SMURF2: variants seen among roughly 807,000 people sequenced by gnomAD.
SMURF2 encodes the protein E3 ubiquitin-protein ligase SMURF2.
In SMURF2, 48 loss-of-function variants were observed where a neutral mutation model predicts 109.6. That is an observed-to-expected ratio of 0.44 (90% CI 0.35 to 0.56). SMURF2 has a LOEUF of 0.56. Among genes scored for constraint, SMURF2 ranks in the 20% least tolerant of loss-of-function variants. The probability of loss-of-function intolerance (pLI) is 0.01; values close to 1 mark genes in which losing one functional copy is unlikely to be tolerated. For synonymous variants in SMURF2, 288 were observed against 317.1 expected, an observed-to-expected ratio of 0.91 and a Z score of 0.97; for missense variants, 575 against 909.0, an observed-to-expected ratio of 0.63 and a Z score of 4.72.
At chr17:64,619,422 G>A (rs1298537117) in intron 1 of SMURF2, among the ~76,000 whole-genome samples, 9 of 140,474 alleles carry the variant, frequency 6.4e-5, no homozygotes, top group Admixed American at 4.7e-4. Flanking sequence ...AGCCTCCCGT[G>A]AGCCGAGATC....
At position 64,613,837 on chromosome 17, in the gene SMURF2, G is replaced by A. The variant is rs1048581627; in HGVS notation, c.53-7197C>T. Among the ~76,000 whole-genome samples, 3 of 151,256 alleles carry A rather than the reference G, an allele frequency of 2.0e-5. No individual in the cohort carries two copies. The East Asian group carries it at 5.8e-4, about 29-fold the overall frequency. On this transcript the variant is annotated intron_variant, in intron 1 of 18. Coordinates refer to ENST00000262435, the MANE Select transcript of SMURF2 (RefSeq NM_022739.4). ...CACTTATTTCTATTATTATTACATT[G>A]TAATATATAATAGAATAATTATACA...
At chr17:64,656,824 A>G (rs1282984616) in intron 1 of SMURF2, among the ~76,000 whole-genome samples, 1 of 152,176 alleles carries the variant, frequency 6.6e-6, no homozygotes, top group African/African-American at 2.4e-5. Flanking sequence ...CATGGTTCCC[A>G]TTCCAGTCCA....
chr17:64,599,491 A>G (rs1336338983), intron 2 of SMURF2, among the ~76,000 whole-genome samples: 5 of 152,150 alleles, frequency 3.3e-5, no homozygotes, highest in African/African-American at 4.8e-5. Flanking sequence ...GGCGTCTCCA[A>G]CCTCTGCACC....
chr17:64,621,417 T>C (rs1265883655), intron 1 of SMURF2, among the ~76,000 whole-genome samples: 3 of 151,478 alleles, frequency 2.0e-5, no homozygotes, highest in African/African-American at 7.3e-5. Flanking sequence ...CCGTCTCTAC[T>C]AAAAATACAA....
chr17:64,553,254 C>A (rs1969071672), intron 15 of SMURF2, among the ~76,000 whole-genome samples: 1 of 152,014 alleles, frequency 6.6e-6, no homozygotes, highest in Non-Finnish European at 1.5e-5. Context: ...CACCTGTAAT[C>A]CCAGCACTTT....
intron 9 of SMURF2, among the ~76,000 whole-genome samples, chr17:64,577,753 C>T (rs1346629885): frequency 1.3e-5 from 2 of 151,772 alleles, no homozygotes; most frequent in Non-Finnish European, 2.9e-5. Context: ...TGTGCTCTAC[C>T]ACATACAGCT....
At chr17:64,586,750 C>CAAAAAA (rs782490512) in intron 5 of SMURF2, among the ~76,000 whole-genome samples, 3 of 27,454 alleles carry the variant, frequency 1.1e-4, no homozygotes, top group Non-Finnish European at 2.3e-4. Flanking sequence ...GACTCCGTCT[C>CAAAAAA]AAAAAAAAAA....
chr17:64,578,528 G>A lies in SMURF2; in HGVS notation c.821C>T (p.Thr274Ile). ...TGGATCATGCCATGTGCTCACACCA[G>A]TCTGTGTATGTAAGAAATACACCTG... ...QGQVYFLHTQTGVSTWHDPRV... is the reference protein window; with the variant it reads ...QGQVYFLHTQIGVSTWHDPRV... Residue 274 changes from threonine to isoleucine, a missense_variant, in exon 9 of 19, where the codon ACT (threonine) becomes ATT (isoleucine). Thr to Ile is a moderately conservative substitution (Grantham distance 89). This residue lies in a region of SMURF2 where 361 missense variants were observed against 612.1 expected (regional missense o/e 0.59). Transcript: ENST00000262435. 1 of 1,613,864 alleles carries A rather than the reference G, an allele frequency of 6.2e-7. No individual in the cohort carries two copies. Among genetic ancestry groups the A allele is most frequent in the Non-Finnish European group, 8.5e-7 (1 of 1,179,782 alleles).
At chr17:64,632,815 A>G (rs951169022) in intron 1 of SMURF2, among the ~76,000 whole-genome samples, 4 of 152,238 alleles carry the variant, frequency 2.6e-5, no homozygotes, top group African/African-American at 9.6e-5. Flanking sequence ...GAGCCCTTGG[A>G]CAAATGACTT....
intron 10 of SMURF2, among the ~76,000 whole-genome samples, chr17:64,570,661 A>G (rs1211152896): frequency 6.6e-6 from 1 of 152,204 alleles, no homozygotes; most frequent in Non-Finnish European, 1.5e-5. Flanking sequence ...TCCAGACTTC[A>G]CCACTGGCAA....
chr17:64,618,700 G>A (rs990383839), intron 1 of SMURF2, among the ~76,000 whole-genome samples: 26 of 152,156 alleles, frequency 1.7e-4, no homozygotes, highest in Non-Finnish European at 3.7e-4. Flanking sequence ...TAAGGATGCC[G>A]AGAGAAGGAA....
intron 10 of SMURF2, among the ~76,000 whole-genome samples, chr17:64,568,004 C>T (rs1190686891): frequency 2.6e-5 from 4 of 151,670 alleles, no homozygotes; most frequent in Non-Finnish European, 4.4e-5. Flanking sequence ...CAGGCGTGCA[C>T]CACCACACCC....
rs1354823126 is a variant in SMURF2 at position 64,542,717 on chromosome 17, A to T, written c.*3131T>A. ...AATCCAATCAGTCCAATGCACTGGAAATTCAAAGCCCAGATTTAGTGTTGT... is the reference window on the plus strand; with the variant it reads ...AATCCAATCAGTCCAATGCACTGGATATTCAAAGCCCAGATTTAGTGTTGT... On this transcript the variant is annotated 3_prime_UTR_variant, in exon 19 of 19. Transcript: ENST00000262435. The T allele has an allele frequency of 6.6e-6, 1 of 152,190 alleles. No individual in the cohort carries two copies. The highest frequency in any genetic ancestry group is 2.4e-5 in the African/African-American group (1 of 41,446). The allele number at this position is 152,190 out of a possible 1,614,324, so 9.4% of individuals were successfully genotyped here. A position where few individuals can be genotyped will look rare whatever the true frequency, so the allele number is the denominator to read the frequency against.
intron 2 of SMURF2, among the ~76,000 whole-genome samples, chr17:64,599,458 G>A (rs1969863052): frequency 6.6e-6 from 1 of 152,204 alleles, no homozygotes; most frequent in Non-Finnish European, 1.5e-5. Flanking sequence ...AGGGAGGAGG[G>A]AACTCATCTG....
chr17:64,583,609 C>T, intron 6 of SMURF2, 65 bp from the exon 7 acceptor site: 2 of 1,176,148 alleles, frequency 1.7e-6, no homozygotes, highest in East Asian at 4.7e-5. Flanking sequence ...AACAAGCAAG[C>T]CAGTAAGACA....
chr17:64,631,336 GAGAGACAGAGAGAT>G, intron 1 of SMURF2, among the ~76,000 whole-genome samples: 1 of 141,366 alleles, frequency 7.1e-6, no homozygotes, highest in African/African-American at 2.7e-5. Flanking sequence ...GACAGAGAGA[GAGAGACAGAGAGAT>G]GAAAACAAGG....
Position 64,641,591 on chromosome 17 carries a change from T to C in SMURF2, c.52+20238A>G, listed in dbSNP as rs145816284. The stretch of plus-strand genomic sequence containing the variant: ...TTCACTTTGTTCCTTGGACAATTCC[T>C]GCTGGTGCCCTGAGTCAGTCATGTT... On this transcript the variant is annotated intron_variant, in intron 1 of 18. Coordinates refer to ENST00000262435, the MANE Select transcript of SMURF2 (RefSeq NM_022739.4). 3.9e-3 allele frequency among the ~76,000 whole-genome samples: 592 copies of C among 152,330 alleles called. 5 individuals carry two copies. Among genetic ancestry groups the C allele is most frequent in the African/African-American group, 0.014 (567 of 41,574 alleles).
intron 11 of SMURF2, among the ~76,000 whole-genome samples, 164 bp from the exon 12 acceptor site, chr17:64,561,767 CAGG>C (rs1353075393): frequency 4.6e-5 from 7 of 152,226 alleles, no homozygotes; most frequent in African/African-American, 1.7e-4. Flanking sequence ...GAGGCTGAGG[CAGG>C]AGGATCACCT....
Position 64,581,078 on chromosome 17 carries a change from A to T in SMURF2, c.570-87T>A, listed in dbSNP as rs1290552939. 7.8e-6 allele frequency: 9 copies of T among 1,151,644 alleles called. No individual in the cohort carries two copies. The highest frequency in any genetic ancestry group is 1.3e-5 in the South Asian group (1 of 74,178). 71.3% of individuals were successfully genotyped at this position (1,151,644 alleles called of 1,614,324 possible). A position where few individuals can be genotyped will look rare whatever the true frequency, so the allele number is the denominator to read the frequency against. On this transcript the variant is annotated intron_variant, in intron 7 of 18. Transcript: ENST00000262435. The surrounding 1 kb of genome is among the most constrained non-coding windows in gnomAD (Gnocchi z 4.3). The stretch of plus-strand genomic sequence containing the variant: ...GACAATATATATATACTGCAGTAAC[A>T]ACCACTTATCATGTCTGAAAACAGA...
Sources: allele counts gnomAD v4.1 joint callset (sites outside exome capture counted in the v4.1 genomes callset), GRCh38; gene constraint gnomAD v4.1.1; regional missense constraint gnomAD v4.1.1; non-coding constraint Gnocchi (gnomAD v3.1); transcripts MANE v1.5; gene names NCBI Gene and HGNC (gene_info 2026-07-23, HGNC 2026-07-21).